Variants in DSCAM observed in about 807,000 individuals in gnomAD.
The protein encoded by DSCAM is DS cell adhesion molecule, also known as cell adhesion molecule DSCAM.
DSCAM carries 47 observed loss-of-function variants against 217.7 expected under a neutral mutation model. The ratio of observed to expected loss-of-function variants is 0.22; its 90% CI spans 0.17 to 0.28. DSCAM has a LOEUF of 0.28. Ranked by LOEUF, DSCAM falls within the 10% of genes least tolerant of loss-of-function variation. DSCAM has a pLI of 1.00. For missense variants in DSCAM, 2,080 were observed against 2,618.3 expected, an observed-to-expected ratio of 0.79 and a Z score of 4.49; for synonymous variants, 1,056 against 1,015.3, an observed-to-expected ratio of 1.04 and a Z score of -0.76.
At chr21:40,381,060 C>T (rs62223807) in intron 3 of DSCAM, among the ~76,000 whole-genome samples, 1 of 37,076 alleles carries the variant, frequency 2.7e-5, no homozygotes, top group Non-Finnish European at 4.7e-5. Flanking sequence ...GAGACTCCGT[C>T]TCAAAAAAAA....
chr21:40,346,330 A>C (rs565917840), intron 6 of DSCAM, among the ~76,000 whole-genome samples: 28 of 152,358 alleles, frequency 1.8e-4, no homozygotes, highest in Admixed American at 3.3e-4. Flanking sequence ...GATTGAATCA[A>C]AATAGGAATC....
chr21:40,523,447 C>T (rs2076375604), intron 3 of DSCAM, among the ~76,000 whole-genome samples: 1 of 152,142 alleles, frequency 6.6e-6, no homozygotes, highest in South Asian at 2.1e-4. Flanking sequence ...CCTAAGAGCA[C>T]ACCGACAGAA....
intron 3 of DSCAM, among the ~76,000 whole-genome samples, chr21:40,655,057 C>T (rs756806442): frequency 2.6e-4 from 40 of 151,990 alleles, no homozygotes; most frequent in Non-Finnish European, 4.6e-4. Context: ...AGGGAGATTC[C>T]GAAGCAGCCA....
At chr21:40,470,964 A>G (rs1317731933) in intron 3 of DSCAM, among the ~76,000 whole-genome samples, 1 of 152,134 alleles carries the variant, frequency 6.6e-6, no homozygotes, top group Non-Finnish European at 1.5e-5. Context: ...TTGTCTAGCA[A>G]TTTTCTTTTC....
chr21:40,077,707 A>C (rs1431186833), intron 26 of DSCAM, among the ~76,000 whole-genome samples: 2 of 152,192 alleles, frequency 1.3e-5, no homozygotes, highest in East Asian at 3.8e-4. Flanking sequence ...CAGGTAGAGG[A>C]GCACTTCCAA....
At chr21:40,337,613 C>T (rs969873729) in intron 8 of DSCAM, among the ~76,000 whole-genome samples, 2 of 152,052 alleles carry the variant, frequency 1.3e-5, no homozygotes, top group African/African-American at 4.8e-5. Flanking sequence ...ATGAGGAAAA[C>T]GTTCTGTGGC....
At chr21:40,741,580 G>A (rs1276196185) in intron 1 of DSCAM, among the ~76,000 whole-genome samples, 1 of 152,046 alleles carries the variant, frequency 6.6e-6, no homozygotes, top group African/African-American at 2.4e-5. Context: ...AGTCACCTGT[G>A]TGTTTAACAA....
At chr21:40,589,823 T>C (rs1242152765) in intron 3 of DSCAM, among the ~76,000 whole-genome samples, 1 of 152,216 alleles carries the variant, frequency 6.6e-6, no homozygotes, top group African/African-American at 2.4e-5. Context: ...TATTTGAGAA[T>C]ATTAGATTTA....
chr21:40,439,376 C>G (rs575147174), intron 3 of DSCAM, among the ~76,000 whole-genome samples: 1 of 152,176 alleles, frequency 6.6e-6, no homozygotes, highest in Non-Finnish European at 1.5e-5. Flanking sequence ...GTTATTAATA[C>G]AGTGGAACTG....
In DSCAM at chr21:40,142,523, G is replaced by T. The variant is rs2090304207; in HGVS notation, c.3406+35C>A. ...TGCAAATTCCATCATGCATTCTCTG[G>T]AGGCAAACCCAAAGTCCTAGTTTAG... On this transcript the variant is annotated intron_variant, in intron 18 of 32. Coordinates refer to ENST00000400454, the MANE Select transcript of DSCAM (RefSeq NM_001389.5). 5.0e-6 allele frequency: 8 copies of T among 1,610,390 alleles called. No individual in the cohort carries two copies. The East Asian group carries it at 1.8e-4, about 36-fold the overall frequency.
intron 18 of DSCAM, among the ~76,000 whole-genome samples, chr21:40,141,316 G>A: frequency 6.6e-6 from 1 of 152,148 alleles, no homozygotes; most frequent in South Asian, 2.1e-4. Context: ...CAGTCAGAGG[G>A]GTTGAAAGAA....
At chr21:40,576,624 G>C (rs1232530808) in intron 3 of DSCAM, among the ~76,000 whole-genome samples, 1 of 152,056 alleles carries the variant, frequency 6.6e-6, no homozygotes, top group Non-Finnish European at 1.5e-5. Context: ...ACAGAGACAA[G>C]TTAAGATAGT....
intron 19 of DSCAM, 107 bp downstream of exon 19, chr21:40,133,747 G>C: frequency 7.3e-7 from 1 of 1,371,214 alleles, no homozygotes. Context: ...GGCAGCAAAG[G>C]TTTGCACTGA....
chr21:40,342,648 A>ATTTT (rs1202355440), intron 6 of DSCAM, among the ~76,000 whole-genome samples: 2,416 of 80,302 alleles, frequency 0.03, 82 homozygotes, highest in East Asian at 0.054. Flanking sequence ...ATATATATAT[A>ATTTT]TTTTTTTTTT....
At chr21:40,015,418 T>TAA (rs548645633) in intron 32 of DSCAM, among the ~76,000 whole-genome samples, 1 of 2,658 alleles carries the variant, frequency 3.8e-4, no homozygotes, top group Non-Finnish European at 8.5e-4. Context: ...CTCTTGACTC[T>TAA]TTTTTTTTTT....
At position 40,078,860 on chromosome 21, in the gene DSCAM, T is replaced by G; in HGVS notation, c.4538A>C (p.Tyr1513Ser). 1.2e-6 allele frequency: 2 copies of G among 1,614,228 alleles called. No homozygotes were observed. Among genetic ancestry groups the G allele is most frequent in the Non-Finnish European group, 1.7e-6 (2 of 1,180,036 alleles). The change falls in exon 26 of 33, where the codon TAC (tyrosine) becomes TCC (serine). Residue 1513 changes from tyrosine (Y) to serine (S), a missense_variant. By Grantham distance (144) the Tyr-to-Ser change is moderately radical (BLOSUM62 -2). Transcript: ENST00000400454. Reference protein sequence around the residue: ...GCPITSFTLEYRPFGTTVWTT... With the variant: ...GCPITSFTLESRPFGTTVWTT... ...CCAAACTGTGGTCCCAAAGGGCCTG[T>G]ACTCTAGTGTGAAGGAGGTGATGGG...
rs2089718338 is a variant in DSCAM, at chr21:40,633,457, G to C, written c.508+59353C>G. Among the ~76,000 whole-genome samples, 7 of 152,140 alleles carry C rather than the reference G, an allele frequency of 4.6e-5. 1 individual carries two copies. Among genetic ancestry groups the C allele is most frequent in the Admixed American group, 4.6e-4 (7 of 15,284 alleles). On this transcript the variant is annotated intron_variant, in intron 3 of 32. Transcript: ENST00000400454. ...TATGTCCTAGAAATTGCTGTTCTCAGTAAATAGCATCTTAATAAATCAAAT... is the reference window on the plus strand; with the variant it reads ...TATGTCCTAGAAATTGCTGTTCTCACTAAATAGCATCTTAATAAATCAAAT...
intron 20 of DSCAM, among the ~76,000 whole-genome samples, chr21:40,115,812 C>G (rs1211247052): frequency 1.3e-5 from 2 of 152,086 alleles, no homozygotes; most frequent in African/African-American, 4.8e-5. Context: ...GGTATATACC[C>G]AAAGGAATAG....
chr21:40,170,989 A>C (rs1302435013), intron 15 of DSCAM, among the ~76,000 whole-genome samples: 1 of 152,216 alleles, frequency 6.6e-6, no homozygotes, highest in Admixed American at 6.5e-5. Context: ...CATAGTGTTT[A>C]CAAGAATGTC....
Sources: gnomAD v4.1 joint callset for allele counts (sites outside exome capture counted in the v4.1 genomes callset) on GRCh38, gnomAD v4.1.1 for gene constraint, MANE v1.5 for transcripts, NCBI Gene and HGNC (gene_info 2026-07-23, HGNC 2026-07-21) for gene names.